METTL22: variants seen among roughly 807,000 people sequenced by gnomAD.
The protein encoded by METTL22 is methyltransferase-like protein 22.
A neutral mutation model predicts 48.4 loss-of-function variants in METTL22; 51 were observed. The observed-to-expected ratio is 1.05, with a 90% CI of 0.84 to 1.33. The LOEUF is 1.33. Among genes scored for constraint, METTL22 ranks in the 40% most tolerant of loss-of-function variants. The pLI, the probability that METTL22 is intolerant of heterozygous loss-of-function variation, is 0.00. For missense variants in METTL22, 678 were observed against 526.9 expected, an observed-to-expected ratio of 1.29 and a Z score of -2.81; for synonymous variants, 255 against 214.1, an observed-to-expected ratio of 1.19 and a Z score of -1.67.
At chr16:8,659,230 C>T in the METTL22 span, among the ~76,000 whole-genome samples, 1 of 151,522 alleles carries the variant, frequency 6.6e-6, no homozygotes, top group Admixed American at 6.6e-5. Context: ...ACTTGTGAGG[C>T]TAAGAAGGGA....
At chr16:8,643,972 A>C (rs1292914584) in intron 9 of METTL22, among the ~76,000 whole-genome samples, 1 of 152,190 alleles carries the variant, frequency 6.6e-6, no homozygotes, top group Non-Finnish European at 1.5e-5. Flanking sequence ...AAATTTGGAA[A>C]GAAAAGGGAA....
intron 7 of METTL22, chr16:8,641,655 C>A (rs2056622312): frequency 2.7e-6 from 1 of 374,904 alleles, no homozygotes; most frequent in African/African-American, 2.1e-5. Flanking sequence ...TTTTTTTTTT[C>A]CCTGTCAGAT....
At chr16:8,644,261 A>G (rs552878402) in intron 9 of METTL22, among the ~76,000 whole-genome samples, 1 of 152,126 alleles carries the variant, frequency 6.6e-6, no homozygotes, top group South Asian at 2.1e-4. Flanking sequence ...GGGCGTCCTC[A>G]AGTGTTGATC....
rs556855235 is a variant in METTL22 at position 8,638,209 on chromosome 16, G to A, written c.701-882G>A. Among the ~76,000 whole-genome samples, 12 of 152,242 alleles carry A rather than the reference G, an allele frequency of 7.9e-5. No individual in the cohort carries two copies. In the South Asian group the frequency reaches 1.2e-3, roughly 16 times the overall value. ...ATATCATCAGTATTCTCTTGGCCTA[G>A]GAGATAGGGTAGATCCCTCCCTTCT... On this transcript the variant is annotated intron_variant, in intron 5 of 10. Transcript: ENST00000381920.
chr16:8,656,024 T>C, the METTL22 span, among the ~76,000 whole-genome samples: 1 of 152,190 alleles, frequency 6.6e-6, no homozygotes, highest in East Asian at 1.9e-4. Context: ...TCTAACACAG[T>C]GTTCTCCAAA....
chr16:8,645,663 C>G (rs2056764326), intron 10 of METTL22, among the ~76,000 whole-genome samples: 1 of 152,096 alleles, frequency 6.6e-6, no homozygotes, highest in Non-Finnish European at 1.5e-5. Context: ...GTGGTCCCAG[C>G]TACTCTGGAA....
At chr16:8,622,629 C>G (rs1314637314) in intron 1 of METTL22, among the ~76,000 whole-genome samples, 1 of 152,176 alleles carries the variant, frequency 6.6e-6, no homozygotes, top group Admixed American at 6.5e-5. Context: ...TCACTTTAAT[C>G]ATTATTATAT....
At chr16:8,632,427 A>G (rs946418844) in intron 3 of METTL22, among the ~76,000 whole-genome samples, 4 of 152,172 alleles carry the variant, frequency 2.6e-5, no homozygotes, top group Non-Finnish European at 5.9e-5. Flanking sequence ...GCTGGTCTCA[A>G]ACTCCTGGCT....
chr16:8,657,887 G>A, the METTL22 span, among the ~76,000 whole-genome samples: 1 of 149,068 alleles, frequency 6.7e-6, no homozygotes, highest in Non-Finnish European at 1.5e-5. Context: ...TGTGATCATA[G>A]CTCAGTGCAG....
intron 6 of METTL22, 78 bp downstream of exon 6, chr16:8,639,240 A>ATGGTC: frequency 1.4e-6 from 2 of 1,410,618 alleles, no homozygotes; most frequent in Non-Finnish European, 1.0e-6. Flanking sequence ...AGACCATGAC[A>ATGGTC]TTGGGAGGCA....
chr16:8,630,948 C>G (rs1235927084), intron 3 of METTL22, among the ~76,000 whole-genome samples: 1 of 152,220 alleles, frequency 6.6e-6, no homozygotes, highest in Non-Finnish European at 1.5e-5. Flanking sequence ...GAGCCCAGCT[C>G]CATCTTCACA....
At chr16:8,623,699 C>G (rs2055941117) in intron 1 of METTL22, 2 of 152,170 alleles carry the variant, frequency 1.3e-5, no homozygotes, top group South Asian at 4.1e-4. Flanking sequence ...AGTAGGAAAG[C>G]TAGCATGGAG....
At chr16:8,641,860 C>A in intron 7 of METTL22, 1 of 566,314 alleles carries the variant, frequency 1.8e-6, no homozygotes, top group South Asian at 2.1e-5. Flanking sequence ...GGGCCACAGG[C>A]CAAGGCAGCG....
chr16:8,630,029 T>C (rs1041513070), intron 3 of METTL22, among the ~76,000 whole-genome samples: 24 of 622 alleles, frequency 0.039, no homozygotes, highest in Admixed American at 0.11. Context: ...CGCTGCTCAT[T>C]TGGGGAGCGG....
chr16:8,651,795 A>T (rs377634536), downstream of METTL22, among the ~76,000 whole-genome samples: 1 of 152,170 alleles, frequency 6.6e-6, no homozygotes, highest in Admixed American at 6.5e-5. Flanking sequence ...GTTCTTACTC[A>T]TAAGTGGGAG....
Position 8,640,966 on chromosome 16 carries a change from C to CTGGA in METTL22, c.773-162_773-161insATGG, listed in dbSNP as rs1431644222. On this transcript the variant is annotated intron_variant, in intron 6 of 10. Coordinates refer to ENST00000381920, the MANE Select transcript of METTL22 (RefSeq NM_024109.4). ...GATGGGTGGGTGGATGGCTGGCTGGCTGGCTGGCTGGCTGGCTGTAAAGAT... is the reference window on the plus strand; with the variant it reads ...GATGGGTGGGTGGATGGCTGGCTGGCTGGATGGCTGGCTGGCTGGCTGTAAAGAT... Among the ~76,000 whole-genome samples the CTGGA allele has an allele frequency of 4.3e-5, 3 of 69,478 alleles. 1 individual carries two copies. Among genetic ancestry groups the CTGGA allele is most frequent in the African/African-American group, 1.6e-4 (3 of 19,216 alleles). 45.6% of individuals were successfully genotyped at this position (69,478 alleles called of 152,430 possible). A position where few individuals can be genotyped will look rare whatever the true frequency, so the allele number is the denominator to read the frequency against.
the METTL22 span, among the ~76,000 whole-genome samples, chr16:8,661,273 A>ACAG: frequency 6.6e-6 from 1 of 152,064 alleles, no homozygotes; most frequent in Non-Finnish European, 1.5e-5. Flanking sequence ...TATACATTGT[A>ACAG]CAGCAGCACG....
chr16:8,660,840 GGGAGGA>G, the METTL22 span, among the ~76,000 whole-genome samples: 3 of 4,320 alleles, frequency 6.9e-4, no homozygotes, highest in African/African-American at 7.7e-4. Flanking sequence ...GGGGAGGAGG[GGGAGGA>G]GGGGGAGGAG....
In METTL22 at chr16:8,646,113, C is replaced by A; in HGVS notation, c.1185C>A (p.Leu395=). Residue 395 remains leucine, a synonymous_variant, in exon 11 of 11, where the codon CTC becomes CTA. Coordinates refer to ENST00000381920, the MANE Select transcript of METTL22 (RefSeq NM_024109.4). ...LVYERLQQLE[L]WKIIAEPVT ...CTTTTCTCTGTTTGCTGCAGGAGCTCTGGAAGATCATCGCAGAACCAGTAA... is the reference window on the plus strand; with the variant it reads ...CTTTTCTCTGTTTGCTGCAGGAGCTATGGAAGATCATCGCAGAACCAGTAA... The A allele has an allele frequency of 6.8e-7, 1 of 1,475,684 alleles. No individual in the cohort carries two copies. Among genetic ancestry groups the A allele is most frequent in the East Asian group, 2.6e-5 (1 of 38,434 alleles). 91.4% of individuals were successfully genotyped at this position (1,475,684 alleles called of 1,614,324 possible). A position where few individuals can be genotyped will look rare whatever the true frequency, so the allele number is the denominator to read the frequency against.
Sources: allele counts gnomAD v4.1 joint callset (sites outside exome capture counted in the v4.1 genomes callset), GRCh38; gene constraint gnomAD v4.1.1; transcripts MANE v1.5; gene names NCBI Gene and HGNC (gene_info 2026-07-23, HGNC 2026-07-21).